The following OGT variants were observed in gnomAD, a reference collection of about 807,000 sequenced individuals.
OGT encodes UDP-N-acetylglucosamine--peptide N-acetylglucosaminyltransferase 110 kDa subunit.
A neutral mutation model predicts 75.8 loss-of-function variants in OGT; 3 were observed. The observed-to-expected ratio is 0.04, with a 90% CI of 0.02 to 0.10. The LOEUF is 0.10. OGT is among the 10% of genes least tolerant of loss of function. The probability of loss-of-function intolerance (pLI) is 1.00; values close to 1 mark genes in which losing one functional copy is unlikely to be tolerated. For synonymous variants in OGT, 257 were observed against 289.7 expected (o/e 0.89, Z 1.15); for missense variants, 260 against 824.4 (o/e 0.32, Z 8.38).
intron 13 of OGT, 31 bp from the exon 14 acceptor site, chrX:71,559,557 G>T (rs771771588): frequency 8.5e-7 from 1 of 1,182,155 alleles, no homozygotes; most frequent in Non-Finnish European, 1.1e-6. Flanking sequence ...TTGAGCCAAT[G>T]TTATTAAATA....
At chrX:71,555,483 A>T in intron 7 of OGT, 98 bp downstream of exon 7, 1 of 783,739 alleles carries the variant, frequency 1.3e-6, no homozygotes, top group Non-Finnish European at 1.8e-6. Context: ...GCACTTCGGG[A>T]GGCCGAGATC....
At chrX:71,538,190 C>A in intron 3 of OGT, 118 bp downstream of exon 3, 2 of 788,885 alleles carry the variant, frequency 2.5e-6, no homozygotes, top group Non-Finnish European at 3.6e-6. Context: ...TTTAGAAATG[C>A]GTATGTACTT....
chrX:71,535,105 A>G (rs372465367), intron 1 of OGT, among the ~76,000 whole-genome samples: 133 of 100,520 alleles, frequency 1.3e-3, no homozygotes, highest in African/African-American at 4.8e-3. Flanking sequence ...CAGTTTAAGT[A>G]TTTACAGTTG....
intron 5 of OGT, among the ~76,000 whole-genome samples, chrX:71,553,155 G>C (rs1349883280): frequency 9.2e-6 from 1 of 109,063 alleles, no homozygotes; most frequent in Non-Finnish European, 1.9e-5. Context: ...GCAGTGGCAC[G>C]ATCTCAGCTC....
chrX:71,543,766 G>GTGTGTGTGTGTA (rs1454042815), intron 3 of OGT, among the ~76,000 whole-genome samples: 1 of 78,313 alleles, frequency 1.3e-5, no homozygotes, highest in Non-Finnish European at 2.3e-5. Flanking sequence ...GTGTGTGTGT[G>GTGTGTGTGTGTA]TATATATATA....
At position 71,533,327 on chromosome X, in the gene OGT, G is replaced by A. The variant is rs2147664606; in HGVS notation, c.28G>A (p.Asp10Asn). ...GGCGTCTTCCGTGGGCAACGTGGCC[G>A]ACAGCACAGGTACCGGTGTCCCGTT... is the stretch of plus-strand genomic sequence containing the variant. MASSVGNVADSTEPTKRMLS... is the reference protein window; with the variant it reads MASSVGNVANSTEPTKRMLS... The change falls in exon 1 of 22, where the codon GAC (aspartate) becomes AAC (asparagine). Residue 10 changes from aspartate to asparagine, a missense_variant. Physicochemically the swap from Asp to Asn is conservative, Grantham distance 23. This residue lies in a region of OGT where 38 missense variants were observed against 117.1 expected (regional missense o/e 0.32). Transcript: ENST00000373719. 1 of 1,197,281 alleles carries A rather than the reference G, an allele frequency of 8.4e-7. No individual in the cohort carries two copies. Among genetic ancestry groups the A allele is most frequent in the Non-Finnish European group, 1.1e-6 (1 of 887,984 alleles).
rs1602148029 is a variant in OGT, at chrX:71,556,331, A to G, written c.1065+237A>G. ...TAAGATCTGTACAAAAAAATTAAAC[A>G]TTAACCCACAGTTCAAGAGAAGTTA... is the stretch of plus-strand genomic sequence containing the variant. On this transcript the variant is annotated intron_variant, in intron 8 of 21. Coordinates refer to ENST00000373719, the MANE Select transcript of OGT (RefSeq NM_181672.3). 2.5e-5 allele frequency: 10 copies of G among 396,506 alleles called. No individual in the cohort carries two copies. The East Asian group carries it at 4.0e-4, about 16-fold the overall frequency. The allele number at this position is 396,506 out of a possible 1,213,427, so 32.7% of individuals were successfully genotyped here. A position where few individuals can be genotyped will look rare whatever the true frequency, so the allele number is the denominator to read the frequency against.
rs1213370855 is a variant in OGT, at chrX:71,574,020, C to T, written c.*226C>T. ...AAGGAATCTCCGTAGAATTTTGCGG[C>T]GACCAGATGGTGCATAGGTCTGGAA... On this transcript the variant is annotated 3_prime_UTR_variant, in exon 22 of 22. Coordinates refer to ENST00000373719, the MANE Select transcript of OGT (RefSeq NM_181672.3). 1.8e-5 allele frequency: 5 copies of T among 282,116 alleles called. No homozygotes were observed. Among genetic ancestry groups the T allele is most frequent in the South Asian group, 1.0e-4 (1 of 9,539 alleles). The allele number at this position is 282,116 out of a possible 1,213,427, so 23.2% of individuals were successfully genotyped here. A position where few individuals can be genotyped will look rare whatever the true frequency, so the allele number is the denominator to read the frequency against.
chrX:71,558,657 A>G (rs1398060361), intron 12 of OGT, among the ~76,000 whole-genome samples: 1 of 111,065 alleles, frequency 9.0e-6, no homozygotes, highest in Non-Finnish European at 1.9e-5. Flanking sequence ...GCCCCCAGCC[A>G]TAATTTTGTT....
rs747630141 is a variant in OGT, at chrX:71,566,518, C to T, written c.2590-982C>T. Among the ~76,000 whole-genome samples, 43 of 111,577 alleles carry T rather than the reference C, an allele frequency of 3.9e-4. 1 individual carries two copies. The highest frequency in any genetic ancestry group is 1.1e-3 in the Admixed American group (12 of 10,484). On this transcript the variant is annotated intron_variant, in intron 19 of 21. Transcript: ENST00000373719. ...GGGGAAAGCCCCTTATAAAGCCATC[C>T]GATCTTGTGAGAACTCACTCTCTAT...
chrX:71,548,791 A>G (rs1385872554), intron 5 of OGT, among the ~76,000 whole-genome samples: 2 of 110,667 alleles, frequency 1.8e-5, no homozygotes, highest in Non-Finnish European at 3.8e-5. Flanking sequence ...GGGTACAAAA[A>G]CTACTTACCA....
At chrX:71,566,203 TTAC>T (rs1261667784) in intron 19 of OGT, among the ~76,000 whole-genome samples, 4 of 111,980 alleles carry the variant, frequency 3.6e-5, no homozygotes, top group Non-Finnish European at 7.5e-5. Flanking sequence ...TCCTTAATCC[TTAC>T]TTCCTGATGT....
At chrX:71,547,751 C>T in intron 4 of OGT, 156 bp from the exon 5 acceptor site, 1 of 1,107,339 alleles carries the variant, frequency 9.0e-7, no homozygotes, top group Non-Finnish European at 1.2e-6. Flanking sequence ...CGCAAGCGAG[C>T]CTATGCTGCA....
At chrX:71,571,645 T>G (rs1033952538) in intron 21 of OGT, among the ~76,000 whole-genome samples, 14 of 112,616 alleles carry the variant, frequency 1.2e-4, no homozygotes, top group Non-Finnish European at 3.7e-5. Context: ...GTGATCCACC[T>G]GCCTTGGCCT....
chrX:71,563,816 A>C (rs1193821049), intron 18 of OGT, among the ~76,000 whole-genome samples: 1 of 111,809 alleles, frequency 8.9e-6, no homozygotes, highest in African/African-American at 3.3e-5. Context: ...TCCTTTCCCT[A>C]GCTAAATCCT....
intron 2 of OGT, chrX:71,536,895 G>A (rs2040179498): frequency 5.9e-6 from 1 of 170,786 alleles, no homozygotes; most frequent in Non-Finnish European, 1.1e-5. Context: ...ATCTTAAATG[G>A]AAAATGAGAC....
chrX:71,537,587 G>C lies in OGT; in HGVS notation c.219-242G>C, dbSNP rs1173822962. Among the ~76,000 whole-genome samples the C allele has an allele frequency of 1.5e-4, 17 of 112,975 alleles. No individual in the cohort carries two copies. In the Admixed American group the frequency reaches 1.6e-3, roughly 11 times the overall value. On this transcript the variant is annotated intron_variant, in intron 2 of 21. Transcript: ENST00000373719. ...CAAAGTGCTGGGATTACAGGCGTGA[G>C]CCACTGCGCCCAGCCAATAATTTTA...
chrX:71,557,433 T>C, intron 11 of OGT, 60 bp from the exon 12 acceptor site: 1 of 1,135,567 alleles, frequency 8.8e-7, no homozygotes, highest in Non-Finnish European at 1.2e-6. Flanking sequence ...CAAAGACATA[T>C]CAAATATTAA....
At chrX:71,569,579 G>A (rs961732533) in intron 21 of OGT, among the ~76,000 whole-genome samples, 5 of 109,328 alleles carry the variant, frequency 4.6e-5, no homozygotes, top group Admixed American at 3.9e-4. Context: ...CAGCCTCCAC[G>A]TCCTGGGCTC....
Sources: allele counts gnomAD v4.1 joint callset (sites outside exome capture counted in the v4.1 genomes callset), GRCh38; gene constraint gnomAD v4.1.1; regional missense constraint gnomAD v4.1.1; transcripts MANE v1.5; gene names NCBI Gene and HGNC (gene_info 2026-07-23, HGNC 2026-07-21).